Variants in PPP2R3A observed in about 807,000 individuals in gnomAD.
PPP2R3A encodes the protein serine/threonine-protein phosphatase 2A regulatory subunit B'' subunit alpha.
In PPP2R3A, 80 loss-of-function variants were observed where a neutral mutation model predicts 106.9. The ratio of observed to expected loss-of-function variants is 0.75; its 90% confidence interval spans 0.62 to 0.90. The LOEUF is 0.90. Among genes scored for constraint, PPP2R3A ranks in the 40% least tolerant of loss-of-function variants. The probability of loss-of-function intolerance (pLI) is 0.00; values close to 1 mark genes in which losing one functional copy is unlikely to be tolerated. For synonymous variants in PPP2R3A, 483 were observed against 468.3 expected (o/e 1.03, Z -0.41); for missense variants, 1,386 against 1,350.4 (o/e 1.03, Z -0.41).
chr3:136,087,128 C>G (rs111886903), intron 8 of PPP2R3A, among the ~76,000 whole-genome samples: 2 of 152,058 alleles, frequency 1.3e-5, no homozygotes, highest in African/African-American at 4.8e-5. Context: ...CACTTGAATC[C>G]GGGAGGCGGA....
At chr3:136,064,130 A>G (rs1385024726) in intron 5 of PPP2R3A, among the ~76,000 whole-genome samples, 10 of 152,032 alleles carry the variant, frequency 6.6e-5, no homozygotes, top group Non-Finnish European at 1.2e-4. Context: ...ACATGGATGA[A>G]GCTGGAAACC....
chr3:135,981,080 C>T (rs905686470), intron 1 of PPP2R3A, among the ~76,000 whole-genome samples: 1 of 151,932 alleles, frequency 6.6e-6, no homozygotes, highest in Admixed American at 6.5e-5. Flanking sequence ...AATGTGTTCT[C>T]TGGGGATTTG....
intron 1 of PPP2R3A, among the ~76,000 whole-genome samples, chr3:135,984,683 T>C (rs965986418): frequency 1.3e-5 from 2 of 152,224 alleles, no homozygotes; most frequent in African/African-American, 4.8e-5. Flanking sequence ...CCTTCCACCA[T>C]GATTGTAAGT....
intron 6 of PPP2R3A, among the ~76,000 whole-genome samples, chr3:136,077,141 G>A (rs1936624545): frequency 6.6e-6 from 1 of 152,102 alleles, no homozygotes; most frequent in Non-Finnish European, 1.5e-5. Flanking sequence ...CTGTCCTGGG[G>A]CCTCCCATGG....
At chr3:135,982,843 C>G (rs771827578) in intron 1 of PPP2R3A, among the ~76,000 whole-genome samples, 1 of 152,162 alleles carries the variant, frequency 6.6e-6, no homozygotes, top group Non-Finnish European at 1.5e-5. Flanking sequence ...GAAATTATGG[C>G]CACAGAACCC....
At chr3:135,985,911 G>GA (rs1311543874) in intron 1 of PPP2R3A, among the ~76,000 whole-genome samples, 2 of 152,148 alleles carry the variant, frequency 1.3e-5, no homozygotes, top group African/African-American at 2.4e-5. Context: ...ATCAAGGAAT[G>GA]AAAGGGAATG....
intron 5 of PPP2R3A, among the ~76,000 whole-genome samples, chr3:136,058,873 C>T (rs1935974414): frequency 6.6e-6 from 1 of 152,078 alleles, no homozygotes. Flanking sequence ...CTTTGACAAA[C>T]CTGACAAAAG....
intron 5 of PPP2R3A, among the ~76,000 whole-genome samples, chr3:136,061,969 ATTTC>A (rs1006953642): frequency 6.6e-6 from 1 of 151,642 alleles, no homozygotes; most frequent in African/African-American, 2.4e-5. Flanking sequence ...ACAATTATGA[ATTTC>A]TTTAAGACAC....
In PPP2R3A at chr3:136,119,163, G is replaced by A. The variant is rs1937896259; in HGVS notation, c.3329+12841G>A. 2.0e-5 allele frequency among the ~76,000 whole-genome samples: 3 copies of A among 152,194 alleles called. No individual in the cohort carries two copies. The South Asian group carries it at 6.2e-4, about 31-fold the overall frequency. On this transcript the variant is annotated intron_variant, in intron 13 of 13. Transcript: ENST00000264977. ...TAAATGGTGTTGGGAAAACTGGCTA[G>A]CCATATGCAGAAAACTGAAACTGGA...
At chr3:136,091,230 A>C (rs760223996) in intron 10 of PPP2R3A, among the ~76,000 whole-genome samples, 1 of 152,208 alleles carries the variant, frequency 6.6e-6, no homozygotes, top group Non-Finnish European at 1.5e-5. Flanking sequence ...GTTTGTGCTC[A>C]GTACCAAGGG....
chr3:136,058,195 G>A (rs966110928), intron 5 of PPP2R3A, among the ~76,000 whole-genome samples: 20 of 152,150 alleles, frequency 1.3e-4, no homozygotes, highest in African/African-American at 4.3e-4. Context: ...AGTCAGGCAA[G>A]AGAAAGAAAT....
chr3:136,132,656 A>G (rs1938470324), intron 13 of PPP2R3A, among the ~76,000 whole-genome samples: 1 of 152,080 alleles, frequency 6.6e-6, no homozygotes, highest in East Asian at 1.9e-4. Context: ...TAGAAGGCTC[A>G]GCGTTGTTAA....
intron 2 of PPP2R3A, among the ~76,000 whole-genome samples, chr3:136,015,509 G>A (rs776333394): frequency 9.9e-5 from 15 of 151,738 alleles, no homozygotes; most frequent in Non-Finnish European, 2.1e-4. Flanking sequence ...TTATTGGTCT[G>A]TTGAGCTTCT....
At chr3:136,013,180 GTGTA>G (rs201268370) in intron 2 of PPP2R3A, among the ~76,000 whole-genome samples, 11,005 of 141,578 alleles carry the variant, frequency 0.078, 612 homozygotes, top group East Asian at 0.27. Context: ...GTGTGTGTGT[GTGTA>G]TGTATGTATG....
chr3:136,113,569 T>A (rs1010642116), intron 13 of PPP2R3A, among the ~76,000 whole-genome samples: 1 of 152,060 alleles, frequency 6.6e-6, no homozygotes, highest in Non-Finnish European at 1.5e-5. Flanking sequence ...GGCGGGAGGA[T>A]CACTTGAGGC....
chr3:136,057,323 T>C (rs1935903574), intron 5 of PPP2R3A, among the ~76,000 whole-genome samples: 1 of 152,144 alleles, frequency 6.6e-6, no homozygotes, highest in Non-Finnish European at 1.5e-5. Context: ...CAATGGAATA[T>C]TAGTCATAAA....
At chr3:136,016,540 A>G (rs1287274306) in intron 2 of PPP2R3A, among the ~76,000 whole-genome samples, 1 of 151,758 alleles carries the variant, frequency 6.6e-6, no homozygotes, top group African/African-American at 2.4e-5. Flanking sequence ...GATATTTTCC[A>G]CTAGTCCTTT....
chr3:136,109,898 T>G (rs1370977201), intron 13 of PPP2R3A, among the ~76,000 whole-genome samples: 1 of 152,132 alleles, frequency 6.6e-6, no homozygotes, highest in African/African-American at 2.4e-5. Context: ...GGAGTAGCAC[T>G]TAATGATCTC....
In PPP2R3A at chr3:136,001,647, G is replaced by A. The variant is rs1031582355; in HGVS notation, c.149G>A (p.Ser50Asn). ...HGIDCIVVHH[S>N]VCADLLHIPV... ...ATTGACTGCATTGTGGTACACCATAGTGTTTGTGCAGACCTCTTGCACATC... is the reference window on the plus strand; with the variant it reads ...ATTGACTGCATTGTGGTACACCATAATGTTTGTGCAGACCTCTTGCACATC... Residue 50 changes from serine to asparagine, a missense_variant, in exon 2 of 14, where the codon AGT (serine) becomes AAT (asparagine). Physicochemically the swap from Ser to Asn is conservative, Grantham distance 46. Coordinates refer to ENST00000264977, the MANE Select transcript of PPP2R3A (RefSeq NM_002718.5). 1.5e-5 allele frequency: 25 copies of A among 1,614,062 alleles called. No homozygotes were observed. The highest frequency in any genetic ancestry group is 1.6e-4 in the Middle Eastern group (1 of 6,084).
Sources: gnomAD v4.1 joint callset for allele counts (sites outside exome capture counted in the v4.1 genomes callset) on GRCh38, gnomAD v4.1.1 for gene constraint, MANE v1.5 for transcripts, NCBI Gene and HGNC (gene_info 2026-07-23, HGNC 2026-07-21) for gene names.